The following XKR9 variants were observed in gnomAD, a reference collection of about 807,000 sequenced individuals.
XKR9 encodes the protein XK related 9, also known as XK-related protein 9.
Under a neutral mutation model 32.0 loss-of-function variants are expected in XKR9, and 32 were observed. The observed-to-expected ratio is 1.00, with a 90% CI of 0.76 to 1.34. The LOEUF (loss-of-function observed/expected upper bound fraction) is 1.34. Ranked by LOEUF, XKR9 falls within the 40% of genes most tolerant of loss-of-function variation. The pLI, the probability that XKR9 is intolerant of heterozygous loss-of-function variation, is 0.00. For missense variants in XKR9, 546 were observed against 429.7 expected, an observed-to-expected ratio of 1.27 and a Z score of -2.39; for synonymous variants, 168 against 143.4, an observed-to-expected ratio of 1.17 and a Z score of -1.22.
the XKR9 span, among the ~76,000 whole-genome samples, chr8:70,936,543 G>A: frequency 3.9e-5 from 6 of 152,164 alleles, no homozygotes; most frequent in Non-Finnish European, 8.8e-5. Context: ...ATTTGAAAGG[G>A]ATGGACAGTG....
chr8:70,901,248 T>A, the XKR9 span, among the ~76,000 whole-genome samples: 303 of 152,358 alleles, frequency 2.0e-3, 1 homozygote, highest in African/African-American at 7.0e-3. Context: ...TCTTCCACAA[T>A]AGTTGAACTA....
At chr8:71,048,788 A>G in the XKR9 span, among the ~76,000 whole-genome samples, 3 of 152,236 alleles carry the variant, frequency 2.0e-5, no homozygotes, top group Non-Finnish European at 4.4e-5. Context: ...TTTCTGAAGC[A>G]CGGCAATGGG....
downstream of XKR9, among the ~76,000 whole-genome samples, chr8:70,736,263 C>A: frequency 6.6e-6 from 1 of 152,108 alleles, no homozygotes; most frequent in South Asian, 2.1e-4. Flanking sequence ...AAATAAATGT[C>A]TTCTTTTGAG....
In XKR9 at chr8:70,760,508, G is replaced by A. The variant is rs7014012; in HGVS notation, n.353-28831G>A. The stretch of plus-strand genomic sequence containing the variant: ...GGGTAAAATATATGCAACATAAAAC[G>A]TACTATTTTAACAATTTTTGAAGGG... On this transcript the variant is annotated intron_variant and non_coding_transcript_variant, in intron 2 of 3. Transcript: ENST00000520273. Among the ~76,000 whole-genome samples, 18 of 151,960 alleles carry A rather than the reference G, an allele frequency of 1.2e-4. No individual in the cohort carries two copies. The South Asian group carries it at 2.1e-3, about 18-fold the overall frequency.
chr8:71,014,986 G>A, the XKR9 span, among the ~76,000 whole-genome samples: 13 of 152,264 alleles, frequency 8.5e-5, no homozygotes, highest in African/African-American at 2.9e-4. Flanking sequence ...CATTTCAGAT[G>A]TTGCTGGGAT....
At chr8:71,056,247 ATT>A in the XKR9 span, among the ~76,000 whole-genome samples, 10 of 144,328 alleles carry the variant, frequency 6.9e-5, no homozygotes, top group Non-Finnish European at 7.6e-5. Context: ...TGGAGATCTT[ATT>A]TTTTTTTTTT....
the XKR9 span, among the ~76,000 whole-genome samples, chr8:71,049,333 T>C: frequency 1.3e-5 from 2 of 152,194 alleles, no homozygotes; most frequent in African/African-American, 4.8e-5. Context: ...CATGCTTGAA[T>C]GCACACACAC....
At chr8:70,676,551 T>C (rs2035478451) in intron 2 of XKR9, among the ~76,000 whole-genome samples, 1 of 152,238 alleles carries the variant, frequency 6.6e-6, no homozygotes, top group Admixed American at 6.5e-5. Flanking sequence ...CCGTATGTAT[T>C]AGCTTGCTAT....
the XKR9 span, among the ~76,000 whole-genome samples, chr8:70,814,180 A>C: frequency 1.3e-5 from 2 of 152,156 alleles, no homozygotes; most frequent in Non-Finnish European, 2.9e-5. Context: ...ATTCTCAGCA[A>C]ACTATCGCAA....
At chr8:70,743,529 AT>A (rs200995660) in intron 2 of XKR9, among the ~76,000 whole-genome samples, 6 of 151,244 alleles carry the variant, frequency 4.0e-5, no homozygotes, top group Non-Finnish European at 7.4e-5. Context: ...TCAGAGAAAC[AT>A]TTTTTTTTCT....
the XKR9 span, among the ~76,000 whole-genome samples, chr8:71,064,369 A>AATAAAT: frequency 1.3e-5 from 2 of 152,180 alleles, no homozygotes; most frequent in Non-Finnish European, 2.9e-5. Context: ...TTTTAACTTT[A>AATAAAT]AGTAATAGTG....
chr8:71,001,002 C>T, the XKR9 span, among the ~76,000 whole-genome samples: 1 of 152,170 alleles, frequency 6.6e-6, no homozygotes, highest in Admixed American at 6.5e-5. Context: ...GTCACTCATT[C>T]GTGGGTGATT....
intron 3 of XKR9, among the ~76,000 whole-genome samples, chr8:70,705,105 ACTTTATATTTGTGTTTTACTTT>A (rs1452167965): frequency 1.3e-4 from 20 of 152,154 alleles, no homozygotes; most frequent in African/African-American, 4.6e-4. Flanking sequence ...CAATGGGAAT[ACTTTATATTTGTGTTTTACTTT>A]CAGCTTTCCA....
chr8:70,856,580 C>T, the XKR9 span, among the ~76,000 whole-genome samples: 1 of 152,128 alleles, frequency 6.6e-6, no homozygotes, highest in African/African-American at 2.4e-5. Flanking sequence ...AGAAAGTTAA[C>T]AAAGATATCC....
chr8:70,933,360 C>T, the XKR9 span, among the ~76,000 whole-genome samples: 3 of 151,594 alleles, frequency 2.0e-5, no homozygotes, highest in South Asian at 2.1e-4. Context: ...ACGCTTAGGG[C>T]GTTTAGGGCA....
At chr8:70,732,372 A>G (rs887884571) in intron 4 of XKR9, among the ~76,000 whole-genome samples, 2 of 152,216 alleles carry the variant, frequency 1.3e-5, no homozygotes, top group African/African-American at 4.8e-5. Flanking sequence ...CCGTATTACA[A>G]TTAAATCCAT....
the XKR9 span, among the ~76,000 whole-genome samples, chr8:70,876,308 G>A: frequency 2.1e-5 from 3 of 142,190 alleles, no homozygotes; most frequent in Non-Finnish European, 3.0e-5. Flanking sequence ...TGCAACCTCC[G>A]CCTCCTAGGT....
chr8:70,717,189 C>A (rs773418499), intron 4 of XKR9, among the ~76,000 whole-genome samples: 6 of 152,208 alleles, frequency 3.9e-5, no homozygotes, highest in Admixed American at 6.5e-5. Flanking sequence ...TTCCCAGGTG[C>A]ACTGTGCAAG....
At chr8:70,847,348 T>A in the XKR9 span, among the ~76,000 whole-genome samples, 15 of 151,964 alleles carry the variant, frequency 9.9e-5, no homozygotes, top group Admixed American at 9.2e-4. Flanking sequence ...AAAGCAGTTC[T>A]ATAAGGAAGT....
Sources: gnomAD v4.1 joint callset for allele counts (sites outside exome capture counted in the v4.1 genomes callset) on GRCh38, gnomAD v4.1.1 for gene constraint, MANE v1.5 for transcripts, NCBI Gene and HGNC (gene_info 2026-07-23, HGNC 2026-07-21) for gene names.